Variants in PACSIN2 observed in about 807,000 individuals in gnomAD.
The protein encoded by PACSIN2 is protein kinase C and casein kinase substrate in neurons 2.
In PACSIN2, 25 loss-of-function variants were observed where a neutral mutation model predicts 63.8. The ratio of observed to expected loss-of-function variants is 0.39; its 90% CI spans 0.29 to 0.55. The LOEUF (loss-of-function observed/expected upper bound fraction) is 0.55, where lower values mean the gene tolerates loss of function less well. Among genes scored for constraint, PACSIN2 ranks in the 20% least tolerant of loss-of-function variants. The pLI is 0.62. For synonymous variants in PACSIN2, 255 were observed against 256.2 expected (o/e 1.00, Z 0.05); for missense variants, 518 against 646.9 (o/e 0.80, Z 2.16).
chr22:42,879,314 C>G, intron 7 of PACSIN2, 145 bp from the exon 8 acceptor site: 1 of 850,858 alleles, frequency 1.2e-6, no homozygotes, highest in Non-Finnish European at 1.7e-6. Context: ...CCCTGGTTTC[C>G]CAGAAGACCT....
chr22:42,893,835 A>G (rs1185445368), intron 2 of PACSIN2, among the ~76,000 whole-genome samples: 4 of 152,122 alleles, frequency 2.6e-5, no homozygotes, highest in Non-Finnish European at 4.4e-5. Context: ...GGGCTTCTCA[A>G]TGTTCTTTAG....
At chr22:42,926,299 G>C (rs2146761963) in intron 1 of PACSIN2, among the ~76,000 whole-genome samples, 1 of 152,284 alleles carries the variant, frequency 6.6e-6, no homozygotes, top group South Asian at 2.1e-4. Context: ...CTAGAGCTCA[G>C]CAGGTCCTAG....
intron 1 of PACSIN2, among the ~76,000 whole-genome samples, chr22:42,913,527 A>C (rs35456065): frequency 6.6e-6 from 1 of 151,882 alleles, no homozygotes; most frequent in Non-Finnish European, 1.5e-5. Context: ...TGGAACCTAC[A>C]ACACAGAATT....
intron 1 of PACSIN2, among the ~76,000 whole-genome samples, chr22:43,004,665 G>A (rs1247737599): frequency 5.9e-5 from 9 of 152,216 alleles, no homozygotes. Context: ...TTTAAAACAT[G>A]AAAATGCTCA....
At chr22:43,013,951 G>T (rs546644173) in intron 1 of PACSIN2, among the ~76,000 whole-genome samples, 1 of 152,290 alleles carries the variant, frequency 6.6e-6, no homozygotes, top group South Asian at 2.1e-4. Flanking sequence ...AGGCACCCAA[G>T]CCAAGAGTGG....
intron 1 of PACSIN2, among the ~76,000 whole-genome samples, chr22:42,982,888 A>AAAAAAAAACAAC (rs759532303): frequency 7.6e-5 from 8 of 105,214 alleles, no homozygotes; most frequent in Non-Finnish European, 1.7e-4. Flanking sequence ...AAAAAAAAAA[A>AAAAAAAAACAAC]AACAACAACA....
chr22:43,010,398 A>ATATATATTT lies in PACSIN2; in HGVS notation c.-78+4622_-78+4623insAAATATATA. Among the ~76,000 whole-genome samples, 233 of 126,402 alleles carry ATATATATTT rather than the reference A, an allele frequency of 1.8e-3. 1 individual carries two copies. The highest frequency in any genetic ancestry group is 8.6e-3 in the East Asian group (41 of 4,760). 82.9% of individuals were successfully genotyped at this position (126,402 alleles called of 152,430 possible). A position where few individuals can be genotyped will look rare whatever the true frequency, so the allele number is the denominator to read the frequency against. Reference sequence around the variant, plus strand: ...TGTTTAAAAATACATATATATATATATTTTTTTTTAATTGAAAATAAAAAA... The same window carrying ATATATATTT: ...TGTTTAAAAATACATATATATATATATATATATTTTTTTTTTTTAATTGAAAATAAAAAA... On this transcript the variant is annotated intron_variant, in intron 1 of 10. Coordinates refer to ENST00000263246, the MANE Select transcript of PACSIN2 (RefSeq NM_001184970.3).
At chr22:42,989,897 C>A (rs1184248956) in intron 1 of PACSIN2, among the ~76,000 whole-genome samples, 7 of 148,028 alleles carry the variant, frequency 4.7e-5, no homozygotes, top group Non-Finnish European at 7.4e-5. Flanking sequence ...CACACACACA[C>A]ACATATATGT....
intron 1 of PACSIN2, among the ~76,000 whole-genome samples, chr22:42,948,632 C>T (rs1279246580): frequency 1.3e-5 from 2 of 152,014 alleles, no homozygotes; most frequent in African/African-American, 2.4e-5. Context: ...CTGGGCAACA[C>T]AGTGAGATCC....
intron 1 of PACSIN2, among the ~76,000 whole-genome samples, chr22:42,937,668 C>A (rs935547675): frequency 2.0e-5 from 3 of 152,170 alleles, no homozygotes; most frequent in African/African-American, 7.2e-5. Context: ...CCTTGCCTGG[C>A]CACAAATCCT....
chr22:42,901,501 C>G (rs1289264245), intron 2 of PACSIN2, among the ~76,000 whole-genome samples: 1 of 152,218 alleles, frequency 6.6e-6, no homozygotes, highest in Non-Finnish European at 1.5e-5. Context: ...ACAGATCTGG[C>G]CCTGCCCCAA....
chr22:42,976,556 C>A (rs1001246777), intron 1 of PACSIN2, among the ~76,000 whole-genome samples: 2 of 152,150 alleles, frequency 1.3e-5, no homozygotes, highest in Non-Finnish European at 2.9e-5. Flanking sequence ...GGTGTTGGCA[C>A]CTATTTCTGT....
In PACSIN2 at chr22:42,876,955, T is replaced by C. The variant is rs1397615518; in HGVS notation, c.1084A>G (p.Asn362Asp). 5.6e-6 allele frequency: 9 copies of C among 1,614,164 alleles called. No homozygotes were observed. The highest frequency in any genetic ancestry group is 7.6e-6 in the Non-Finnish European group (9 of 1,180,022). ...AQSAQSQSSY[N>D]PFEDEDDTGS... ...GTGTCGTCCTCATCCTCGAAGGGGT[T>C]GTAGCTGGACTGTGACTGCGCAGAC... The change falls in exon 9 of 11, where the codon AAC becomes GAC. Residue 362 changes from asparagine (N) to aspartate (D), a missense_variant. By Grantham distance (23) the Asn-to-Asp change is conservative (BLOSUM62 1). Transcript: ENST00000263246.
At chr22:42,940,070 C>T (rs1236043458) in intron 1 of PACSIN2, among the ~76,000 whole-genome samples, 1 of 152,192 alleles carries the variant, frequency 6.6e-6, no homozygotes, top group African/African-American at 2.4e-5. Flanking sequence ...CAGCCTGCTG[C>T]AGGGAAGCTC....
chr22:42,916,991 T>C (rs139318777), intron 1 of PACSIN2, among the ~76,000 whole-genome samples: 24 of 152,306 alleles, frequency 1.6e-4, no homozygotes, highest in African/African-American at 2.6e-4. Context: ...CACCTGCCAC[T>C]GTGACCTTGC....
At chr22:42,888,023 T>G (rs945169191) in intron 5 of PACSIN2, among the ~76,000 whole-genome samples, 15 of 147,752 alleles carry the variant, frequency 1.0e-4, no homozygotes, top group African/African-American at 3.3e-4. Context: ...AGACAAGCGC[T>G]CCCAGCCTGC....
At chr22:42,892,068 G>C (rs1449234372) in intron 3 of PACSIN2, among the ~76,000 whole-genome samples, 1 of 152,212 alleles carries the variant, frequency 6.6e-6, no homozygotes, top group Non-Finnish European at 1.5e-5. Context: ...GCAGGAGCCT[G>C]CTCTGGACCA....
chr22:42,981,215 T>C (rs1380592902), intron 1 of PACSIN2, among the ~76,000 whole-genome samples: 10 of 96,748 alleles, frequency 1.0e-4, no homozygotes, highest in African/African-American at 1.8e-4. Flanking sequence ...GCCCGGCCGC[T>C]CCGTCTGAGA....
In PACSIN2 at chr22:42,882,200, T is replaced by A; in HGVS notation, c.890A>T (p.Asn297Ile). 1.9e-6 allele frequency: 3 copies of A among 1,614,078 alleles called. No homozygotes were observed. Among genetic ancestry groups the A allele is most frequent in the Non-Finnish European group, 2.5e-6 (3 of 1,180,002 alleles). The change falls in exon 7 of 11, where the codon AAC (asparagine) becomes ATC (isoleucine). Residue 297 changes from asparagine to isoleucine, a missense_variant. Asn to Ile is a moderately radical substitution (Grantham distance 149). This residue lies in a region of PACSIN2 where 507 missense variants were observed against 612.3 expected (regional missense o/e 0.83). Transcript: ENST00000263246. ...RANHGPGMAM[N>I]WPQFEEWSAD... ...TCCTCTTACCTCAAACTGCGGCCAG[T>A]TCATGGCCATGCCCGGCCCGTGATT...
Sources: gnomAD v4.1 joint callset for allele counts (sites outside exome capture counted in the v4.1 genomes callset) on GRCh38, gnomAD v4.1.1 for gene constraint, gnomAD v4.1.1 regional missense constraint, MANE v1.5 for transcripts, NCBI Gene and HGNC (gene_info 2026-07-23, HGNC 2026-07-21) for gene names.